The following PDE4D variants were observed in gnomAD, a reference collection of about 807,000 sequenced individuals.
The protein encoded by PDE4D is 3',5'-cyclic-AMP phosphodiesterase 4D.
Under a neutral mutation model 87.4 loss-of-function variants are expected in PDE4D, and 24 were observed. The observed-to-expected ratio is 0.27, with a 90% CI of 0.20 to 0.39. PDE4D has a LOEUF of 0.39. PDE4D is among the 10% of genes least tolerant of loss of function. The probability of loss-of-function intolerance (pLI) is 1.00; values close to 1 mark genes in which losing one functional copy is unlikely to be tolerated. For missense variants in PDE4D, 714 were observed against 1,041.0 expected (o/e 0.69, Z 4.32); for synonymous variants, 384 against 383.2 (o/e 1.00, Z -0.02).
intron 2 of PDE4D, among the ~76,000 whole-genome samples, chr5:60,049,417 G>A (rs149449222): frequency 9.8e-5 from 15 of 152,300 alleles, no homozygotes; most frequent in South Asian, 4.1e-4. Flanking sequence ...GAGGAACTGC[G>A]TTCCTTTGGA....
chr5:59,772,022 G>A (rs945391867), intron 1 of PDE4D, among the ~76,000 whole-genome samples: 1 of 152,200 alleles, frequency 6.6e-6, no homozygotes, highest in African/African-American at 2.4e-5. Context: ...TACATGATAT[G>A]CATACTGCTT....
intron 1 of PDE4D, among the ~76,000 whole-genome samples, chr5:59,879,376 T>C (rs1561806976): frequency 6.6e-6 from 1 of 152,204 alleles, no homozygotes; most frequent in African/African-American, 2.4e-5. Flanking sequence ...CCGTATATAT[T>C]GAACTACTCT....
rs185720081 is a variant in PDE4D at position 59,925,894 on chromosome 5, G to A, written c.272+62594C>T. Among the ~76,000 whole-genome samples, 444 of 152,200 alleles carry A rather than the reference G, an allele frequency of 2.9e-3. 2 individuals are homozygous for A. The highest frequency in any genetic ancestry group is 2.9e-3 in the Non-Finnish European group (200 of 67,998). On this transcript the variant is annotated intron_variant, in intron 3 of 16. Coordinates refer to the PDE4D transcript ENST00000502484. ...AAATATTATTAGAGCTAGAGAGAGA[G>A]GTAGACCCCAATACAATAATAGCTG...
rs559132725 is a variant in PDE4D, at chr5:60,330,950, C to T, written c.-89-145263G>A. 1.4e-4 allele frequency among the ~76,000 whole-genome samples: 21 copies of T among 152,166 alleles called. No individual in the cohort carries two copies. The East Asian group carries it at 3.7e-3, about 27-fold the overall frequency. On this transcript the variant is annotated intron_variant, in intron 1 of 16. Transcript: ENST00000502484. ...AGTATATTTGACATGAAATTCCTCA[C>T]CTACACCACTGTTGTATTGTATATA...
intron 1 of PDE4D, among the ~76,000 whole-genome samples, chr5:59,541,110 C>CTACATCAGT (rs911832110): frequency 1.3e-5 from 2 of 152,154 alleles, no homozygotes; most frequent in Non-Finnish European, 2.9e-5. Flanking sequence ...TTACAAGATA[C>CTACATCAGT]TACATCAGTT....
At chr5:59,142,572 A>C (rs2153456018) in intron 5 of PDE4D, among the ~76,000 whole-genome samples, 1 of 152,366 alleles carries the variant, frequency 6.6e-6, no homozygotes, top group East Asian at 1.9e-4. Flanking sequence ...GCCTTTTTGA[A>C]ATCACACAAA....
At chr5:60,365,034 C>T (rs1240378869) in intron 1 of PDE4D, among the ~76,000 whole-genome samples, 2 of 152,170 alleles carry the variant, frequency 1.3e-5, no homozygotes, top group Non-Finnish European at 2.9e-5. Flanking sequence ...CATAACTAGC[C>T]TATCCTCCAA....
chr5:60,127,777 A>G (rs1293321914), intron 2 of PDE4D: 3 of 503,350 alleles, frequency 6.0e-6, no homozygotes, highest in Non-Finnish European at 1.1e-5. Context: ...GGTAGGATAT[A>G]CAGGTCTGAG....
rs79685547 is a variant in PDE4D at position 59,551,937 on chromosome 5, C to T, written c.456-335969G>A. Reference sequence around the variant, plus strand: ...CTTGTGCTATTTAAAAAGAATTGGCCGGGCACAGTGGTTCACACCTATAAT... The same window carrying T: ...CTTGTGCTATTTAAAAAGAATTGGCTGGGCACAGTGGTTCACACCTATAAT... On this transcript the variant is annotated intron_variant, in intron 1 of 14. Transcript: ENST00000340635. Among the ~76,000 whole-genome samples the T allele has an allele frequency of 5.8e-4, 89 of 152,146 alleles. 1 individual carries two copies. In the East Asian group the frequency reaches 0.015, roughly 26 times the overall value.
Position 59,592,474 on chromosome 5 carries a change from A to G in PDE4D, c.455+300694T>C, listed in dbSNP as rs146752437. 3.3e-3 allele frequency among the ~76,000 whole-genome samples: 497 copies of G among 152,302 alleles called. 7 individuals carry two copies. Among genetic ancestry groups the G allele is most frequent in the South Asian group, 0.027 (129 of 4,832 alleles). ...TAGAAAAGAAAAAATAAATTCATTA[A>G]ACACCTAGTTTCATCACCTAAAACC... is the stretch of plus-strand genomic sequence containing the variant. On this transcript the variant is annotated intron_variant, in intron 1 of 14. Coordinates refer to ENST00000340635, the MANE Select transcript of PDE4D (RefSeq NM_001104631.2).
intron 2 of PDE4D, among the ~76,000 whole-genome samples, chr5:60,048,665 C>T (rs572058822): frequency 1.3e-5 from 2 of 151,980 alleles, no homozygotes; most frequent in East Asian, 1.9e-4. Flanking sequence ...GTTGAAAATT[C>T]TTTTCTTTAA....
intron 1 of PDE4D, among the ~76,000 whole-genome samples, chr5:59,589,550 G>T (rs1242164619): frequency 4.6e-5 from 7 of 152,060 alleles, no homozygotes; most frequent in Non-Finnish European, 1.0e-4. Flanking sequence ...CAAATGCAAA[G>T]ATTTTTTAAA....
chr5:59,753,611 A>G (rs956258828), intron 1 of PDE4D, among the ~76,000 whole-genome samples: 11 of 152,200 alleles, frequency 7.2e-5, no homozygotes, highest in African/African-American at 2.7e-4. Flanking sequence ...CAGGGAACAT[A>G]CTGAATAAGG....
intron 1 of PDE4D, among the ~76,000 whole-genome samples, chr5:60,506,931 A>G (rs1750350526): frequency 6.6e-6 from 1 of 152,224 alleles, no homozygotes; most frequent in South Asian, 2.1e-4. Flanking sequence ...GAAAAAATAA[A>G]AAGGAAAAGA....
intron 5 of PDE4D, among the ~76,000 whole-genome samples, chr5:59,096,387 C>A (rs1034015043): frequency 2.0e-5 from 3 of 152,138 alleles, no homozygotes; most frequent in Non-Finnish European, 2.9e-5. Flanking sequence ...AATATGACTG[C>A]ACTTTTAGTG....
chr5:59,468,517 G>T (rs1801933395), intron 1 of PDE4D, among the ~76,000 whole-genome samples: 1 of 152,066 alleles, frequency 6.6e-6, no homozygotes, highest in African/African-American at 2.4e-5. Flanking sequence ...ACCAAAGTGG[G>T]GATGAAAACA....
chr5:59,801,924 G>T (rs1462308556), intron 1 of PDE4D, among the ~76,000 whole-genome samples: 1 of 152,108 alleles, frequency 6.6e-6, no homozygotes, highest in African/African-American at 2.4e-5. Flanking sequence ...TAAAGTTCAT[G>T]CTTTGTGCAA....
intron 1 of PDE4D, among the ~76,000 whole-genome samples, chr5:59,527,604 G>C (rs764332092): frequency 2.0e-5 from 3 of 152,042 alleles, no homozygotes; most frequent in Admixed American, 6.6e-5. Flanking sequence ...AGTAGGTAAG[G>C]TATCTCCAGC....
At chr5:60,326,735 A>AT (rs1427061170) in intron 1 of PDE4D, among the ~76,000 whole-genome samples, 1 of 152,108 alleles carries the variant, frequency 6.6e-6, no homozygotes, top group Non-Finnish European at 1.5e-5. Context: ...GAACTCACAG[A>AT]TTGTTTCTCA....
Sources: gnomAD v4.1 joint callset for allele counts (sites outside exome capture counted in the v4.1 genomes callset) on GRCh38, gnomAD v4.1.1 for gene constraint, MANE v1.5 for transcripts, NCBI Gene and HGNC (gene_info 2026-07-23, HGNC 2026-07-21) for gene names.